Variants in PTPRM observed in about 807,000 individuals in gnomAD.
PTPRM encodes the protein receptor-type tyrosine-protein phosphatase mu.
A neutral mutation model predicts 186.7 loss-of-function variants in PTPRM; 47 were observed. That is an observed-to-expected ratio of 0.25 (90% CI 0.20 to 0.32). The LOEUF is 0.32. Among genes scored for constraint, PTPRM ranks in the 10% least tolerant of loss-of-function variants. The probability of loss-of-function intolerance (pLI) is 1.00; values close to 1 mark genes in which losing one functional copy is unlikely to be tolerated. For synonymous variants in PTPRM, 668 were observed against 674.9 expected (o/e 0.99, Z 0.16); for missense variants, 1,494 against 1,865.0 (o/e 0.80, Z 3.66).
intron 1 of PTPRM, among the ~76,000 whole-genome samples, chr18:7,634,710 TTTTCA>T (rs1183365308): frequency 1.3e-5 from 2 of 152,242 alleles, no homozygotes; most frequent in Non-Finnish European, 2.9e-5. Context: ...GATGGATTTC[TTTTCA>T]TTTCAGATCT....
chr18:7,848,961 A>G (rs2046731949), intron 2 of PTPRM, among the ~76,000 whole-genome samples: 4 of 152,150 alleles, frequency 2.6e-5, no homozygotes, highest in Admixed American at 2.6e-4. Context: ...ATTTTCATAT[A>G]AACAAAATAC....
At chr18:7,902,081 G>A (rs1031056943) in intron 3 of PTPRM, among the ~76,000 whole-genome samples, 10 of 152,148 alleles carry the variant, frequency 6.6e-5, no homozygotes, top group African/African-American at 9.7e-5. Flanking sequence ...ACACATAAAC[G>A]TATCAACAAA....
Position 7,785,077 on chromosome 18 carries a change from G to C in PTPRM, c.196+10806G>C, listed in dbSNP as rs1485684498. Among the ~76,000 whole-genome samples, 3 of 152,300 alleles carry C rather than the reference G, an allele frequency of 2.0e-5. No homozygotes were observed. The East Asian group carries it at 5.8e-4, about 29-fold the overall frequency. On this transcript the variant is annotated intron_variant, in intron 2 of 32. Transcript: ENST00000580170. ...GGGAAGGGAGCACAGGTGTTCACAA[G>C]GCTGCCTGGGAAACTGCATGTAGTT...
intron 1 of PTPRM, among the ~76,000 whole-genome samples, chr18:7,650,104 C>T (rs1205972950): frequency 6.6e-6 from 1 of 152,078 alleles, no homozygotes; most frequent in Non-Finnish European, 1.5e-5. Context: ...ATTACTGGTA[C>T]AGTATTCAGG....
intron 11 of PTPRM, among the ~76,000 whole-genome samples, chr18:8,111,582 C>T (rs1402085465): frequency 6.6e-6 from 1 of 151,066 alleles, no homozygotes; most frequent in African/African-American, 2.4e-5. Context: ...CACTGCACTC[C>T]AGCCTGGGTG....
chr18:8,048,084 G>C (rs542586852), intron 7 of PTPRM, among the ~76,000 whole-genome samples: 3 of 152,236 alleles, frequency 2.0e-5, no homozygotes, highest in African/African-American at 7.2e-5. Flanking sequence ...TCAGCAAATT[G>C]AGCTTACTCA....
intron 20 of PTPRM, among the ~76,000 whole-genome samples, chr18:8,310,145 A>G (rs1262110892): frequency 6.6e-6 from 1 of 151,994 alleles, no homozygotes; most frequent in Non-Finnish European, 1.5e-5. Flanking sequence ...CTCATCCACA[A>G]TAAGTGAACT....
At chr18:8,259,606 GA>G (rs1005300194) in intron 19 of PTPRM, among the ~76,000 whole-genome samples, 1 of 151,406 alleles carries the variant, frequency 6.6e-6, no homozygotes, top group Non-Finnish European at 1.5e-5. Context: ...GGCAACTTAA[GA>G]AAAAATTATT....
At chr18:8,164,299 C>A (rs997408103) in intron 14 of PTPRM, among the ~76,000 whole-genome samples, 1 of 152,124 alleles carries the variant, frequency 6.6e-6, no homozygotes, top group African/African-American at 2.4e-5. Flanking sequence ...TATGCTGGGA[C>A]CCAAAAATGC....
Position 7,704,883 on chromosome 18 carries a change from A to C in PTPRM, c.74-69266A>C, listed in dbSNP as rs74399654. 7.4e-3 allele frequency among the ~76,000 whole-genome samples: 1,130 copies of C among 152,278 alleles called. 18 individuals are homozygous for C. Among genetic ancestry groups the C allele is most frequent in the African/African-American group, 0.026 (1,094 of 41,568 alleles). On this transcript the variant is annotated intron_variant, in intron 1 of 32. Coordinates refer to ENST00000580170, the MANE Select transcript of PTPRM (RefSeq NM_001105244.2). The stretch of plus-strand genomic sequence containing the variant: ...ATCTTGGGACATAGAACAACTTCAC[A>C]CTTAGCTGGGAGATTTACATTATTC...
intron 31 of PTPRM, among the ~76,000 whole-genome samples, chr18:8,389,962 T>C (rs1323075105): frequency 6.6e-6 from 1 of 152,240 alleles, no homozygotes; most frequent in Non-Finnish European, 1.5e-5. Context: ...GTCTCCCAGC[T>C]AATAAAGCTA....
intron 1 of PTPRM, among the ~76,000 whole-genome samples, chr18:7,675,508 G>A (rs894164076): frequency 6.6e-6 from 1 of 152,048 alleles, no homozygotes; most frequent in Non-Finnish European, 1.5e-5. Flanking sequence ...GTTTGAAACA[G>A]GTAGTCTAAA....
chr18:7,951,983 TTTAA>T (rs527687412), intron 6 of PTPRM, among the ~76,000 whole-genome samples: 44 of 152,370 alleles, frequency 2.9e-4, no homozygotes, highest in Non-Finnish European at 6.3e-4. Flanking sequence ...GACCAAGTCC[TTTAA>T]TTGACTAACC....
chr18:7,678,081 G>A (rs1407170725), intron 1 of PTPRM, among the ~76,000 whole-genome samples: 2 of 152,074 alleles, frequency 1.3e-5, no homozygotes, highest in Non-Finnish European at 2.9e-5. Context: ...GAATGAAAGA[G>A]GGGGGAAGGA....
chr18:7,744,966 T>G (rs2144542426), intron 1 of PTPRM, among the ~76,000 whole-genome samples: 1 of 152,258 alleles, frequency 6.6e-6, no homozygotes, highest in South Asian at 2.1e-4. Flanking sequence ...TCACTTATGT[T>G]ATAGAAAGGA....
chr18:7,911,846 ATTTT>A (rs57590269), intron 4 of PTPRM, among the ~76,000 whole-genome samples: 82 of 80,670 alleles, frequency 1.0e-3, no homozygotes, highest in Middle Eastern at 0.016. Context: ...TATGGTTTCA[ATTTT>A]TTTTTTTTTT....
At chr18:8,398,854 A>AAAT (rs2095857639) in intron 32 of PTPRM, among the ~76,000 whole-genome samples, 1 of 152,112 alleles carries the variant, frequency 6.6e-6, no homozygotes, top group Non-Finnish European at 1.5e-5. Flanking sequence ...CAAAACAGAC[A>AAAT]AATCCATGAG....
chr18:8,172,119 G>A (rs538232786), intron 14 of PTPRM, among the ~76,000 whole-genome samples: 148 of 152,176 alleles, frequency 9.7e-4, no homozygotes, highest in Non-Finnish European at 1.9e-3. Flanking sequence ...AGACATACCC[G>A]ATACTGAGCA....
intron 2 of PTPRM, among the ~76,000 whole-genome samples, chr18:7,833,683 G>A (rs749178864): frequency 4.6e-5 from 7 of 151,008 alleles, no homozygotes; most frequent in Non-Finnish European, 4.4e-5. Flanking sequence ...ACAGTGAGCC[G>A]AGATCTCACC....
Sources: gnomAD v4.1 joint callset for allele counts (sites outside exome capture counted in the v4.1 genomes callset) on GRCh38, gnomAD v4.1.1 for gene constraint, MANE v1.5 for transcripts, NCBI Gene and HGNC (gene_info 2026-07-23, HGNC 2026-07-21) for gene names.